The following MECOM variants were observed in gnomAD, a reference collection of about 807,000 sequenced individuals.
The protein encoded by MECOM is histone-lysine N-methyltransferase MECOM.
A neutral mutation model predicts 116.3 loss-of-function variants in MECOM; 13 were observed. The ratio of observed to expected loss-of-function variants is 0.11; its 90% CI spans 0.07 to 0.18. The LOEUF (loss-of-function observed/expected upper bound fraction) is 0.18, where lower values mean the gene tolerates loss of function less well. Among genes scored for constraint, MECOM ranks in the 10% least tolerant of loss-of-function variants. MECOM has a pLI of 1.00. For synonymous variants in MECOM, 528 were observed against 535.2 expected (o/e 0.99, Z 0.19); for missense variants, 1,299 against 1,509.0 (o/e 0.86, Z 2.31).
intron 1 of MECOM, among the ~76,000 whole-genome samples, chr3:169,423,645 T>A (rs1740144554): frequency 6.6e-6 from 1 of 152,096 alleles, no homozygotes; most frequent in Non-Finnish European, 1.5e-5. Flanking sequence ...TTTTTAGCAT[T>A]TTCCTAATAA....
In MECOM at chr3:169,492,658, C is replaced by T. The variant is rs796921439; in HGVS notation, c.38-111134G>A. ...AAAGAAATAGTAATAAATGGAGTAA[C>T]CAGTAAAATTAACTCATATTAGGCC... On this transcript the variant is annotated intron_variant, in intron 1 of 16. Transcript: ENST00000651503. 4.0e-4 allele frequency among the ~76,000 whole-genome samples: 61 copies of T among 152,126 alleles called. 1 individual carries two copies. Among genetic ancestry groups the T allele is most frequent in the African/African-American group, 1.4e-3 (57 of 41,492 alleles).
intron 2 of MECOM, among the ~76,000 whole-genome samples, chr3:169,294,795 T>C (rs1715284354): frequency 6.6e-6 from 1 of 152,076 alleles, no homozygotes; most frequent in African/African-American, 2.4e-5. Context: ...TTCCAAAATC[T>C]CCAGTACGTC....
chr3:169,097,219 T>C (rs1046026408), intron 12 of MECOM, among the ~76,000 whole-genome samples: 8 of 152,152 alleles, frequency 5.3e-5, no homozygotes, highest in Non-Finnish European at 5.9e-5. Context: ...TCTAACTTTC[T>C]GCTTGCACAC....
intron 1 of MECOM, among the ~76,000 whole-genome samples, chr3:169,617,506 C>T (rs1226067667): frequency 6.6e-6 from 1 of 152,176 alleles, no homozygotes; most frequent in Non-Finnish European, 1.5e-5. Flanking sequence ...CTGTATAGTG[C>T]TTGTCTGATT....
At chr3:169,600,161 A>G (rs28666625) in intron 1 of MECOM, among the ~76,000 whole-genome samples, 96,228 of 151,766 alleles carry the variant, frequency 0.63, 30,844 homozygotes, top group South Asian at 0.74. Context: ...TAGTAGAAGC[A>G]AGTTTTCACC....
chr3:169,096,593 C>T (rs1721572610), intron 12 of MECOM, among the ~76,000 whole-genome samples: 2 of 152,076 alleles, frequency 1.3e-5, no homozygotes, highest in Non-Finnish European at 1.5e-5. Flanking sequence ...TAAATGAAAA[C>T]TTCAATCTTA....
chr3:169,644,092 G>T (rs1031059989), intron 1 of MECOM, among the ~76,000 whole-genome samples: 1 of 152,014 alleles, frequency 6.6e-6, no homozygotes, highest in Non-Finnish European at 1.5e-5. Context: ...CATATAGTAT[G>T]CTACAAAACT....
intron 1 of MECOM, among the ~76,000 whole-genome samples, chr3:169,478,632 G>A (rs535971930): frequency 3.9e-5 from 6 of 152,254 alleles, no homozygotes; most frequent in South Asian, 4.1e-4. Context: ...CGGGAATAGC[G>A]ACTGGTGCCT....
chr3:169,113,661 T>C (rs1014479798), intron 8 of MECOM, among the ~76,000 whole-genome samples: 6 of 152,018 alleles, frequency 3.9e-5, no homozygotes, highest in African/African-American at 1.4e-4. Context: ...TATCCCTATG[T>C]TGAATTAATT....
At chr3:169,328,685 C>T (rs1050727446) in intron 2 of MECOM, among the ~76,000 whole-genome samples, 1 of 152,062 alleles carries the variant, frequency 6.6e-6, no homozygotes, top group Non-Finnish European at 1.5e-5. Context: ...GCTTTTTCTA[C>T]TAGTGTCTAG....
At chr3:169,150,810 G>A (rs1741067533) in intron 2 of MECOM, among the ~76,000 whole-genome samples, 1 of 152,188 alleles carries the variant, frequency 6.6e-6, no homozygotes, top group Non-Finnish European at 1.5e-5. Flanking sequence ...GATTTTCTAG[G>A]AGTTGTAAAG....
chr3:169,663,628 C>G lies in MECOM; in HGVS notation c.-256G>C, dbSNP rs75051628. 3,119 of 567,582 alleles carry G rather than the reference C, an allele frequency of 5.5e-3. 12 individuals are homozygous for G. Among genetic ancestry groups the G allele is most frequent in the Non-Finnish European group, 7.9e-3 (2,513 of 318,928 alleles). 35.2% of individuals were successfully genotyped at this position (567,582 alleles called of 1,614,324 possible). On this transcript the variant is annotated 5_prime_UTR_variant, in exon 1 of 17. Coordinates refer to ENST00000651503, the MANE Select transcript of MECOM (RefSeq NM_004991.4). ...TCTCTCCCTCCCTCTCTCCCTTTCT[C>G]TCAATCCACACTCGCTATCTCTCCA...
intron 3 of MECOM, chr3:169,133,860 A>C (rs181684079): frequency 1.7e-6 from 2 of 1,167,086 alleles, no homozygotes; most frequent in Non-Finnish European, 2.3e-6. Context: ...TTCATTCTGG[A>C]GTTCTATTTC....
At chr3:169,292,040 AGTTTGGC>A (rs1305475671) in intron 2 of MECOM, among the ~76,000 whole-genome samples, 1 of 152,166 alleles carries the variant, frequency 6.6e-6, no homozygotes, top group Non-Finnish European at 1.5e-5. Flanking sequence ...TTATGCAACT[AGTTTGGC>A]GTTTTGTATT....
intron 1 of MECOM, among the ~76,000 whole-genome samples, chr3:169,624,679 T>C (rs1384498926): frequency 2.0e-5 from 3 of 152,196 alleles, no homozygotes; most frequent in Non-Finnish European, 4.4e-5. Flanking sequence ...AAAGAGGCTC[T>C]TCCTGGCTAG....
chr3:169,328,485 C>A (rs963028968), intron 2 of MECOM, among the ~76,000 whole-genome samples: 56 of 152,268 alleles, frequency 3.7e-4, no homozygotes, highest in African/African-American at 1.3e-3. Flanking sequence ...TATAACTGAA[C>A]TAAATTATTC....
chr3:169,153,712 G>A (rs183669698), intron 2 of MECOM, among the ~76,000 whole-genome samples: 6 of 152,192 alleles, frequency 3.9e-5, no homozygotes, highest in Admixed American at 6.5e-5. Flanking sequence ...CTCTCTCCAC[G>A]CCTAGCTGTG....
At chr3:169,518,214 G>A (rs528644887) in intron 1 of MECOM, among the ~76,000 whole-genome samples, 10 of 151,296 alleles carry the variant, frequency 6.6e-5, no homozygotes, top group African/African-American at 2.2e-4. Flanking sequence ...AGCCGAGATC[G>A]CACCACTGCA....
At chr3:169,150,901 C>T (rs1741082517) in intron 2 of MECOM, among the ~76,000 whole-genome samples, 1 of 152,122 alleles carries the variant, frequency 6.6e-6, no homozygotes, top group African/African-American at 2.4e-5. Flanking sequence ...CATAAACCCT[C>T]CTCAGGCCCC....
Sources: allele counts gnomAD v4.1 joint callset (sites outside exome capture counted in the v4.1 genomes callset), GRCh38; gene constraint gnomAD v4.1.1; transcripts MANE v1.5; gene names NCBI Gene and HGNC (gene_info 2026-07-23, HGNC 2026-07-21).